Variants in MAP7D1 observed in about 807,000 individuals in gnomAD.
MAP7D1 encodes the protein MAP7 domain-containing protein 1.
MAP7D1 carries 30 observed loss-of-function variants against 97.5 expected under a neutral mutation model. That is an observed-to-expected ratio of 0.31 (90% CI 0.23 to 0.42). MAP7D1 has a LOEUF of 0.42. MAP7D1 is among the 10% of genes least tolerant of loss of function. The pLI, the probability that MAP7D1 is intolerant of heterozygous loss-of-function variation, is 1.00. For missense variants in MAP7D1, 1,184 were observed against 1,179.5 expected, an observed-to-expected ratio of 1.00 and a Z score of -0.06; for synonymous variants, 536 against 477.1, an observed-to-expected ratio of 1.12 and a Z score of -1.61.
chr1:36,165,492 T>A (rs1570135196), intron 1 of MAP7D1, among the ~76,000 whole-genome samples: 1 of 151,262 alleles, frequency 6.6e-6, no homozygotes, highest in East Asian at 1.9e-4. Context: ...AGACAGGGTT[T>A]TGCTTTGTCA....
At chr1:36,179,838 A>C (rs1417249841) in intron 15 of MAP7D1, 36 bp from the exon 16 acceptor site, 1 of 1,586,170 alleles carries the variant, frequency 6.3e-7, no homozygotes, top group Admixed American at 1.7e-5. Context: ...CTTTCCTGGG[A>C]GGTGAGGTGC....
intron 5 of MAP7D1, among the ~76,000 whole-genome samples, chr1:36,174,642 G>A (rs929530436): frequency 1.3e-5 from 2 of 152,124 alleles, no homozygotes; most frequent in African/African-American, 2.4e-5. Context: ...GGCCAGGAAA[G>A]CTGTAGTTTC....
intron 1 of MAP7D1, among the ~76,000 whole-genome samples, chr1:36,158,596 C>T (rs1644368411): frequency 6.6e-6 from 1 of 152,154 alleles, no homozygotes. Flanking sequence ...ACAGTTTCTG[C>T]CCCTGGAAAA....
At chr1:36,177,454 AGG>A (rs1162513663) in intron 8 of MAP7D1, 1 of 432,078 alleles carries the variant, frequency 2.3e-6, no homozygotes, top group African/African-American at 2.0e-5. Flanking sequence ...CAGGAGGTCG[AGG>A]CTGTAGTGAG....
intron 2 of MAP7D1, 56 bp from the exon 3 acceptor site, chr1:36,171,457 T>C: frequency 6.2e-7 from 1 of 1,600,926 alleles, no homozygotes; most frequent in South Asian, 1.1e-5. Flanking sequence ...GATCTGAGGC[T>C]GACTCCTCTT....
intron 10 of MAP7D1, 23 bp downstream of exon 10, chr1:36,178,619 G>A (rs1269403598): frequency 6.4e-7 from 1 of 1,557,174 alleles, no homozygotes; most frequent in Admixed American, 1.9e-5. Flanking sequence ...CGGGGACTGA[G>A]GGGGCCCTCG....
intron 1 of MAP7D1, among the ~76,000 whole-genome samples, chr1:36,167,207 A>G (rs1429067430): frequency 6.6e-6 from 1 of 152,176 alleles, no homozygotes; most frequent in African/African-American, 2.4e-5. Flanking sequence ...TCCAGCGCTG[A>G]GAGGTTGGGA....
rs1644560293 is a variant in MAP7D1, at chr1:36,172,549, G to A, written c.546G>A (p.Leu182=). ...AGCTCCAGGAGCGCCGGCGCCGGCT[G>A]GAGGAGCAACGTCTTAAAGCCGAGC... ...EKQLQERRRR[L]EEQRLKAEQR... The change falls in exon 4 of 17, where the codon CTG becomes CTA. Residue 182 remains leucine, a synonymous_variant. Coordinates refer to ENST00000474796, the MANE Select transcript of MAP7D1 (RefSeq NM_001388490.1). The A allele has an allele frequency of 1.2e-6, 2 of 1,603,810 alleles. No individual in the cohort carries two copies. The highest frequency in any genetic ancestry group is 1.7e-6 in the Non-Finnish European group (2 of 1,172,254).
At chr1:36,174,845 C>G in intron 5 of MAP7D1, 53 bp from the exon 6 acceptor site, 1 of 1,094,854 alleles carries the variant, frequency 9.1e-7, no homozygotes, top group Non-Finnish European at 1.4e-6. Flanking sequence ...CTCGGTGCCC[C>G]CCACTGGCTC....
At chr1:36,164,122 C>G (rs956450225) in intron 1 of MAP7D1, among the ~76,000 whole-genome samples, 2 of 151,840 alleles carry the variant, frequency 1.3e-5, no homozygotes, top group Admixed American at 6.6e-5. Flanking sequence ...CTGCGCCCAG[C>G]CTAGATCTAC....
At position 36,176,411 on chromosome 1, in the gene MAP7D1, T is replaced by A. The variant is rs1469023435; in HGVS notation, c.1063T>A (p.Ser355Thr). Residue 355 changes from serine to threonine, a missense_variant, in exon 7 of 17, where the codon TCT becomes ACT. Physicochemically the swap from Ser to Thr is moderately conservative, Grantham distance 58. Coordinates refer to ENST00000474796, the MANE Select transcript of MAP7D1 (RefSeq NM_001388490.1). This position sits in a 1 kb window ranked among gnomAD's most constrained non-coding sequence, Gnocchi z 6.1. ...RGPQPDRTHP[S>T]AAVPVCPRSA... is the part of the protein sequence containing the mutation. ...GCCGCAACCCGACCGCACTCATCCC[T>A]CTGCAGCCGTGCCGGTGTGCCCGCG... 3.9e-6 allele frequency: 6 copies of A among 1,532,492 alleles called. No homozygotes were observed. The African/African-American group carries it at 7.1e-5, about 18-fold the overall frequency. 94.9% of individuals were successfully genotyped at this position (1,532,492 alleles called of 1,614,324 possible).
At chr1:36,166,052 G>A (rs1247955075) in intron 1 of MAP7D1, among the ~76,000 whole-genome samples, 1 of 152,052 alleles carries the variant, frequency 6.6e-6, no homozygotes. Context: ...TTAAATAGGG[G>A]CTAAGGGAAG....
In MAP7D1 at chr1:36,177,757, G is replaced by A; in HGVS notation, c.1380-116G>A. 5.6e-6 allele frequency: 8 copies of A among 1,417,466 alleles called. No individual in the cohort carries two copies. In the South Asian group the frequency reaches 1.2e-4, roughly 21 times the overall value. The allele number at this position is 1,417,466 out of a possible 1,614,324, so 87.8% of individuals were successfully genotyped here. A position where few individuals can be genotyped will look rare whatever the true frequency, so the allele number is the denominator to read the frequency against. On this transcript the variant is annotated intron_variant, in intron 8 of 16. Coordinates refer to ENST00000474796, the MANE Select transcript of MAP7D1 (RefSeq NM_001388490.1). ...GGTGTGTTTCTGTGAGAGCAAGGGG[G>A]CGGGGGGCGGCGCTGATGTAGCCTG...
In MAP7D1 at chr1:36,178,533, G is replaced by A. The variant is rs761848296; in HGVS notation, c.1823G>A (p.Arg608His). ...ACTCGGCTCTTGGCTGAGAAGCGGC[G>A]CCAGGCCCGGGAGCAGCGGGAGCGC... ...EATRLLAEKR[R>H]QAREQREREE... The change falls in exon 10 of 17, where the codon CGC (arginine) becomes CAC (histidine). Residue 608 changes from arginine to histidine, a missense_variant. By Grantham distance (29) the Arg-to-His change is conservative. Transcript: ENST00000474796. 1.9e-6 allele frequency: 3 copies of A among 1,602,022 alleles called. No individual in the cohort carries two copies. The highest frequency in any genetic ancestry group is 2.6e-6 in the Non-Finnish European group (3 of 1,174,940).
chr1:36,174,948 T>G lies in MAP7D1; in HGVS notation c.790T>G (p.Ser264Ala). The part of the protein sequence containing the change: ...SAVNLPKHVD[S>A]IINKRLSKSS... ...AGTTAACCTGCCCAAACACGTGGAC[T>G]CTATAATCAACAAGCGGCTCTCAAA... The change falls in exon 6 of 17, where the codon TCT (serine) becomes GCT (alanine). Residue 264 changes from serine to alanine, a missense_variant. Coordinates refer to ENST00000474796, the MANE Select transcript of MAP7D1 (RefSeq NM_001388490.1). 1.2e-6 allele frequency: 2 copies of G among 1,613,974 alleles called. No individual in the cohort carries two copies. The highest frequency in any genetic ancestry group is 1.7e-6 in the Non-Finnish European group (2 of 1,179,966).
intron 1 of MAP7D1, among the ~76,000 whole-genome samples, chr1:36,161,497 T>C (rs148018602): frequency 6.5e-4 from 99 of 152,374 alleles, no homozygotes; most frequent in Admixed American, 5.0e-3. Context: ...GTAAGTGTCT[T>C]AATCTCTGAA....
At chr1:36,164,164 T>C (rs1644447155) in intron 1 of MAP7D1, among the ~76,000 whole-genome samples, 1 of 152,194 alleles carries the variant, frequency 6.6e-6, no homozygotes, top group Non-Finnish European at 1.5e-5. Context: ...TCTATATGCT[T>C]TAGGCTAGGG....
At chr1:36,158,958 C>T (rs1295565814) in intron 1 of MAP7D1, among the ~76,000 whole-genome samples, 1 of 152,164 alleles carries the variant, frequency 6.6e-6, no homozygotes, top group Non-Finnish European at 1.5e-5. Flanking sequence ...CATTGGCATC[C>T]TTAAATTAGA....
In MAP7D1 at chr1:36,171,301, C is replaced by A. The variant is rs1286864682; in HGVS notation, c.377C>A (p.Pro126His). 6.4e-7 allele frequency: 1 copy of A among 1,565,594 alleles called. No individual in the cohort carries two copies. The highest frequency in any genetic ancestry group is 1.9e-5 in the Admixed American group (1 of 54,010). ...ACAGCAGTGCCAGCCTCCGACAGCC[C>A]TCCCACCAAGCAAGGTGTGTGTAAT... ...SPTAVPASDSPPTKQEVKKAG... is the reference protein window; with the variant it reads ...SPTAVPASDSHPTKQEVKKAG... Residue 126 changes from proline (P) to histidine (H), a missense_variant, in exon 2 of 17, where the codon CCT becomes CAT. By Grantham distance (77) the Pro-to-His change is moderately conservative. Transcript: ENST00000474796.
Sources: allele counts gnomAD v4.1 joint callset (sites outside exome capture counted in the v4.1 genomes callset), GRCh38; gene constraint gnomAD v4.1.1; non-coding constraint Gnocchi (gnomAD v3.1); transcripts MANE v1.5; gene names NCBI Gene and HGNC (gene_info 2026-07-23, HGNC 2026-07-21).